CDON: variants seen among roughly 807,000 people sequenced by gnomAD.
CDON encodes cell adhesion associated, oncogene regulated.
A neutral mutation model predicts 120.9 loss-of-function variants in CDON; 73 were observed. That is an observed-to-expected ratio of 0.60 (90% CI 0.50 to 0.73). The LOEUF is 0.73. Ranked by LOEUF, CDON falls within the 30% of genes least tolerant of loss-of-function variation. The pLI, the probability that CDON is intolerant of heterozygous loss-of-function variation, is 0.00. For synonymous variants in CDON, 566 were observed against 573.5 expected (o/e 0.99, Z 0.19); for missense variants, 1,470 against 1,587.3 (o/e 0.93, Z 1.26).
chr11:125,986,375 A>G (rs1946459950), intron 15 of CDON, among the ~76,000 whole-genome samples: 1 of 152,226 alleles, frequency 6.6e-6, no homozygotes, highest in Non-Finnish European at 1.5e-5. Flanking sequence ...GCACATGTAT[A>G]TGTATGTAAC....
Position 125,981,428 on chromosome 11 carries a change from ACG to A in CDON, c.2996-101_2996-100del, listed in dbSNP as rs1946298573. On this transcript the variant is annotated intron_variant, in intron 16 of 19. Coordinates refer to ENST00000531738, the MANE Select transcript of CDON (RefSeq NM_001378964.1). ...CATGCACACATGCACATACGCACACACGCACACACGCACACAGTAAGACACTA... is the reference window on the plus strand; with the variant it reads ...CATGCACACATGCACATACGCACACACACACACGCACACAGTAAGACACTA... 3.8e-5 allele frequency: 44 copies of A among 1,168,600 alleles called. No individual in the cohort carries two copies. The Admixed American group carries it at 5.9e-4, about 16-fold the overall frequency. 72.4% of individuals were successfully genotyped at this position (1,168,600 alleles called of 1,614,324 possible).
At chr11:126,049,901 C>G (rs572216837) in intron 1 of CDON, among the ~76,000 whole-genome samples, 6 of 152,178 alleles carry the variant, frequency 3.9e-5, no homozygotes, top group Admixed American at 6.5e-5. Context: ...AAAACATCCT[C>G]CTCGTTAACT....
chr11:126,040,888 G>A (rs1301838485), intron 1 of CDON, among the ~76,000 whole-genome samples: 2 of 132,920 alleles, frequency 1.5e-5, no homozygotes, highest in Non-Finnish European at 3.2e-5. Context: ...ATGGTGCAGC[G>A]CTACAGTAAA....
chr11:125,981,114 A>G lies in CDON; in HGVS notation c.3211T>C (p.Ser1071Pro). Residue 1071 changes from serine (S) to proline (P), a missense_variant, in exon 17 of 20, where the codon TCC becomes CCC. Transcript: ENST00000531738. The part of the protein sequence containing the change: ...VNGSLNGGLY[S>P]GHSNSLTRTH... Reference sequence around the variant, plus strand: ...CTGGTTAGAGAGTTGCTGTGCCCGGAGTAAAGCCCTCCATTTAGGCTCCCA... The same window carrying G: ...CTGGTTAGAGAGTTGCTGTGCCCGGGGTAAAGCCCTCCATTTAGGCTCCCA... 3 of 1,614,156 alleles carry G rather than the reference A, an allele frequency of 1.9e-6. No individual in the cohort carries two copies. Among genetic ancestry groups the G allele is most frequent in the Non-Finnish European group, 2.5e-6 (3 of 1,180,014 alleles).
intron 18 of CDON, among the ~76,000 whole-genome samples, chr11:125,968,103 A>G (rs891520404): frequency 1.3e-5 from 2 of 152,028 alleles, no homozygotes; most frequent in Non-Finnish European, 2.9e-5. Flanking sequence ...AAGATACAGG[A>G]AAAAAAATGC....
At chr11:126,040,796 C>T (rs1211077764) in intron 1 of CDON, among the ~76,000 whole-genome samples, 6 of 86,266 alleles carry the variant, frequency 7.0e-5, no homozygotes, top group Non-Finnish European at 6.4e-5. Context: ...GCTCGGGCAA[C>T]AGAGAAAGAC....
At chr11:126,055,045 T>C (rs554904984) in intron 1 of CDON, among the ~76,000 whole-genome samples, 1 of 152,110 alleles carries the variant, frequency 6.6e-6, no homozygotes, top group Non-Finnish European at 1.5e-5. Context: ...TCAGGGACTT[T>C]AAAGGATTTT....
chr11:126,009,200 T>C (rs1024648352), intron 8 of CDON, among the ~76,000 whole-genome samples: 4 of 152,190 alleles, frequency 2.6e-5, no homozygotes, highest in African/African-American at 7.2e-5. Flanking sequence ...TAAGGGGAAG[T>C]CCCTGGTCTC....
chr11:126,000,259 G>A (rs1946904059), intron 11 of CDON, among the ~76,000 whole-genome samples: 1 of 152,162 alleles, frequency 6.6e-6, no homozygotes, highest in Non-Finnish European at 1.5e-5. Context: ...CCAGGCTGGA[G>A]TGCAGTGGAA....
rs1948525208 is a variant in CDON at position 126,050,398 on chromosome 11, TA to T, written c.-62+12180del. Among the ~76,000 whole-genome samples, 6 of 151,920 alleles carry T rather than the reference TA, an allele frequency of 3.9e-5. No individual in the cohort carries two copies. The South Asian group carries it at 1.2e-3, about 32-fold the overall frequency. On this transcript the variant is annotated intron_variant, in intron 1 of 19. Transcript: ENST00000531738. ...AAGGACACCTAACTTTGAACTAGAT[TA>T]AAACTTTTATATGATATCAATGCTC...
At chr11:125,996,426 C>A (rs184542561) in intron 12 of CDON, among the ~76,000 whole-genome samples, 1 of 152,050 alleles carries the variant, frequency 6.6e-6, no homozygotes, top group Non-Finnish European at 1.5e-5. Flanking sequence ...CACGATCCTG[C>A]GGTGGCTCAC....
rs1250461992 is a variant in CDON, at chr11:126,004,092, C to T, written c.1852-16G>A. ...CATCATCCAGCTGCCCAAGAGAAAACACACCAGAAAAGAAAAGCAGGAGAT... is the reference window on the plus strand; with the variant it reads ...CATCATCCAGCTGCCCAAGAGAAAATACACCAGAAAAGAAAAGCAGGAGAT... On this transcript the variant is annotated splice_polypyrimidine_tract_variant and intron_variant, in intron 9 of 19. Coordinates refer to ENST00000531738, the MANE Select transcript of CDON (RefSeq NM_001378964.1). The T allele has an allele frequency of 6.2e-7, 1 of 1,613,262 alleles. No homozygotes were observed. The highest frequency in any genetic ancestry group is 1.1e-5 in the South Asian group (1 of 91,022).
At chr11:126,044,679 T>C (rs1416477587) in intron 1 of CDON, among the ~76,000 whole-genome samples, 1 of 152,150 alleles carries the variant, frequency 6.6e-6, no homozygotes, top group Non-Finnish European at 1.5e-5. Flanking sequence ...ATGTGGGAGC[T>C]AAAAATTTTT....
At position 126,036,529 on chromosome 11, in the gene CDON, T is replaced by G. The variant is rs539070986; in HGVS notation, c.-61-12992A>C. On this transcript the variant is annotated intron_variant, in intron 1 of 19. Coordinates refer to ENST00000531738, the MANE Select transcript of CDON (RefSeq NM_001378964.1). The stretch of plus-strand genomic sequence containing the variant: ...TGTATTATACTATACTCATATTTCA[T>G]AGTCAAACAATAACAGACCCTATGT... Among the ~76,000 whole-genome samples the G allele has an allele frequency of 3.5e-5, 5 of 144,782 alleles. No homozygotes were observed. The East Asian group carries it at 9.9e-4, about 29-fold the overall frequency. The allele number at this position is 144,782 out of a possible 152,430, so 95.0% of individuals were successfully genotyped here. A position where few individuals can be genotyped will look rare whatever the true frequency, so the allele number is the denominator to read the frequency against.
Position 126,032,586 on chromosome 11 carries a change from T to C in CDON, c.-61-9049A>G, listed in dbSNP as rs182495923. On this transcript the variant is annotated intron_variant, in intron 1 of 19. Coordinates refer to ENST00000531738, the MANE Select transcript of CDON (RefSeq NM_001378964.1). The stretch of plus-strand genomic sequence containing the variant: ...TTGAAAAATCGCTGACACTGCAATG[T>C]GGAAAACAGTTGAGGATAAGAGAAG... Among the ~76,000 whole-genome samples, 8 of 152,234 alleles carry C rather than the reference T, an allele frequency of 5.3e-5. 1 individual carries two copies. Among genetic ancestry groups the C allele is most frequent in the Admixed American group, 5.2e-4 (8 of 15,300 alleles).
At chr11:126,062,996 G>A (rs147395168), upstream of CDON, among the ~76,000 whole-genome samples, 5,432 of 151,828 alleles carry the variant, frequency 0.036, 317 homozygotes, top group African/African-American at 0.12. Flanking sequence ...GACGGAGGCG[G>A]GCCGTAGAGG....
At chr11:126,045,564 T>C (rs1471029471) in intron 1 of CDON, among the ~76,000 whole-genome samples, 1 of 152,216 alleles carries the variant, frequency 6.6e-6, no homozygotes, top group Non-Finnish European at 1.5e-5. Context: ...AAATTCGTTT[T>C]AGTTTTATAA....
intron 18 of CDON, among the ~76,000 whole-genome samples, chr11:125,973,155 G>GC (rs1160063696): frequency 6.7e-6 from 1 of 149,534 alleles, no homozygotes; most frequent in Non-Finnish European, 1.5e-5. Flanking sequence ...CTGGACTACT[G>GC]CAACTGCCAT....
chr11:125,975,755 C>T (rs892569189), intron 18 of CDON, among the ~76,000 whole-genome samples: 4 of 152,170 alleles, frequency 2.6e-5, no homozygotes, highest in African/African-American at 9.7e-5. Context: ...AAGTGATGCA[C>T]GCTAAAGTTT....
Sources: gnomAD v4.1 joint callset for allele counts (sites outside exome capture counted in the v4.1 genomes callset) on GRCh38, gnomAD v4.1.1 for gene constraint, MANE v1.5 for transcripts, NCBI Gene and HGNC (gene_info 2026-07-23, HGNC 2026-07-21) for gene names.